L3MBTL1: variants seen among roughly 807,000 people sequenced by gnomAD.
L3MBTL1 encodes L3MBTL histone methyl-lysine binding protein 1, also known as lethal(3)malignant brain tumor-like protein 1.
L3MBTL1 carries 75 observed loss-of-function variants against 105.3 expected under a neutral mutation model. The ratio of observed to expected loss-of-function variants is 0.71; its 90% CI spans 0.59 to 0.86. The LOEUF is 0.86. Among genes scored for constraint, L3MBTL1 ranks in the 40% least tolerant of loss-of-function variants. The pLI, the probability that L3MBTL1 is intolerant of heterozygous loss-of-function variation, is 0.00. For missense variants in L3MBTL1, 1,069 were observed against 1,126.4 expected, an observed-to-expected ratio of 0.95 and a Z score of 0.73; for synonymous variants, 452 against 436.2, an observed-to-expected ratio of 1.04 and a Z score of -0.45.
intron 7 of L3MBTL1, among the ~76,000 whole-genome samples, chr20:43,524,358 A>G (rs1391688293): frequency 6.6e-6 from 1 of 152,174 alleles, no homozygotes; most frequent in Non-Finnish European, 1.5e-5. Context: ...TTATTTAACA[A>G]ATACTAAGTG....
At chr20:43,529,436 G>T in intron 9 of L3MBTL1, 68 bp downstream of exon 9, 2 of 1,109,232 alleles carry the variant, frequency 1.8e-6, no homozygotes, top group East Asian at 2.5e-5. Context: ...TCTTGCTGGG[G>T]ACATAGAAGG....
chr20:43,511,552 T>G (rs576555913), intron 1 of L3MBTL1, among the ~76,000 whole-genome samples: 1 of 152,030 alleles, frequency 6.6e-6, no homozygotes, highest in East Asian at 1.9e-4. Context: ...GAGGCCGAGG[T>G]GGGCGGATCA....
intron 15 of L3MBTL1, 45 bp from the exon 16 acceptor site, chr20:43,534,783 G>A (rs1315909456): frequency 2.1e-6 from 3 of 1,422,684 alleles, no homozygotes; most frequent in East Asian, 4.6e-5. Context: ...GGCTGAGCTG[G>A]GCTCCATGAG....
At chr20:43,545,458 C>T (rs1170957343), downstream of L3MBTL1, among the ~76,000 whole-genome samples, 2 of 152,060 alleles carry the variant, frequency 1.3e-5, no homozygotes, top group Non-Finnish European at 2.9e-5. Context: ...TGCTGGGGGT[C>T]AGCAAAGAGA....
chr20:43,529,459 C>T, intron 9 of L3MBTL1, 91 bp downstream of exon 9: 1 of 858,094 alleles, frequency 1.2e-6, no homozygotes. Context: ...ACACCTCCCT[C>T]CCCTCAGAGC....
Position 43,540,200 on chromosome 20 carries a change from G to A in L3MBTL1, c.2223G>A (p.Ser741=), listed in dbSNP as rs755426692. 1.8e-5 allele frequency: 29 copies of A among 1,613,490 alleles called. No individual in the cohort carries two copies. The highest frequency in any genetic ancestry group is 2.2e-5 in the Non-Finnish European group (26 of 1,180,036). Residue 741 remains serine, a synonymous_variant, in exon 20 of 22, where the codon TCG becomes TCA. Transcript: ENST00000418998. ...VHQSLFMSAL[S]AHPDRSLSVC... Reference sequence around the variant, plus strand: ...AGTCCCTCTTCATGTCAGCCCTGTCGGCCCACCCTGACCGCTCACTCTCAG... The same window carrying A: ...AGTCCCTCTTCATGTCAGCCCTGTCAGCCCACCCTGACCGCTCACTCTCAG...
downstream of L3MBTL1, among the ~76,000 whole-genome samples, chr20:43,545,657 G>A (rs1160398016): frequency 2.0e-5 from 3 of 152,238 alleles, no homozygotes; most frequent in African/African-American, 7.2e-5. Flanking sequence ...TCTTAGACCT[G>A]AGAAGCCGCT....
chr20:43,518,441 A>G (rs2018519716), intron 7 of L3MBTL1, among the ~76,000 whole-genome samples: 1 of 152,146 alleles, frequency 6.6e-6, no homozygotes, highest in Non-Finnish European at 1.5e-5. Context: ...CATGTGACTC[A>G]TGTGCCCATT....
chr20:43,513,526 A>C lies in L3MBTL1; in HGVS notation c.23A>C (p.Glu8Ala). MEGHAEM[E>A]MLRTLKGPST... The stretch of plus-strand genomic sequence containing the variant: ...GGGATGGAGGGGCATGCTGAAATGG[A>C]GATGCTGAGGACACTGAAGGGGCCT... Residue 8 changes from glutamate to alanine, a missense_variant, in exon 2 of 22, where the codon GAG becomes GCG. Glu to Ala is a moderately radical substitution (Grantham distance 107, BLOSUM62 -1). Transcript: ENST00000418998. The C allele has an allele frequency of 6.4e-7, 1 of 1,550,768 alleles. No individual in the cohort carries two copies. Among genetic ancestry groups the C allele is most frequent in the Non-Finnish European group, 8.7e-7 (1 of 1,147,008 alleles).
In L3MBTL1 at chr20:43,513,895, G is replaced by A. The variant is rs1044971953; in HGVS notation, c.194G>A (p.Arg65Gln). The A allele has an allele frequency of 2.0e-5, 31 of 1,550,446 alleles. No individual in the cohort carries two copies. In the Admixed American group the frequency reaches 3.9e-4, roughly 20 times the overall value. ...GCCCTGGATGTGTCTTGCTTTCCCC[G>A]GGAGCCAATCCATGTGGGTGCCCCG... ...SSALDVSCFP[R>Q]EPIHVGAPEQ... Residue 65 changes from arginine to glutamine, a missense_variant, in exon 3 of 22, where the codon CGG becomes CAG. Coordinates refer to ENST00000418998, the MANE Select transcript of L3MBTL1 (RefSeq NM_001377303.1).
At chr20:43,550,135 C>T (rs1600976114) in exon 19 of L3MBTL1, 1 of 151,944 alleles carries the variant, frequency 6.6e-6, no homozygotes, top group Non-Finnish European at 1.5e-5. Flanking sequence ...AAGTCTAAGC[C>T]TTGCTTTTAT....
In L3MBTL1 at chr20:43,534,576, C is replaced by T. The variant is rs368167124; in HGVS notation, c.1710+182C>T. On this transcript the variant is annotated intron_variant, in intron 15 of 21. Coordinates refer to ENST00000418998, the MANE Select transcript of L3MBTL1 (RefSeq NM_001377303.1). ...GGACAAGTCATTTTCCCTCTCTAAG[C>T]CTTACATCATCTGTAAAATGGGCCT... 10 of 620,762 alleles carry T rather than the reference C, an allele frequency of 1.6e-5. 1 individual carries two copies. The highest frequency in any genetic ancestry group is 5.8e-5 in the Admixed American group (2 of 34,624). 38.5% of individuals were successfully genotyped at this position (620,762 alleles called of 1,614,324 possible). A position where few individuals can be genotyped will look rare whatever the true frequency, so the allele number is the denominator to read the frequency against.
At chr20:43,534,187 G>C in intron 14 of L3MBTL1, 94 bp downstream of exon 14, 1 of 1,522,594 alleles carries the variant, frequency 6.6e-7, no homozygotes, top group Non-Finnish European at 9.0e-7. Flanking sequence ...CCTTTGGGCA[G>C]GCCCCAGTTT....
intron 1 of L3MBTL1, 50 bp from the exon 2 acceptor site, chr20:43,513,426 G>GTAACA: frequency 1.3e-6 from 2 of 1,498,074 alleles, no homozygotes; most frequent in Non-Finnish European, 1.8e-6. Flanking sequence ...CATTGCTGCT[G>GTAACA]TAACAAAGGT....
intron 3 of L3MBTL1, 105 bp from the exon 4 acceptor site, chr20:43,514,530 A>C (rs1245953738): frequency 1.3e-6 from 2 of 1,572,430 alleles, no homozygotes; most frequent in Non-Finnish European, 1.7e-6. Flanking sequence ...AGGCCTGCTG[A>C]GGGCGTGAGC....
chr20:43,513,653 G>C lies in L3MBTL1; in HGVS notation c.136+14G>C. 2 of 1,550,598 alleles carry C rather than the reference G, an allele frequency of 1.3e-6. No homozygotes were observed. The highest frequency in any genetic ancestry group is 2.4e-5 in the South Asian group (2 of 84,064). On this transcript the variant is annotated intron_variant, in intron 2 of 21. Coordinates refer to ENST00000418998, the MANE Select transcript of L3MBTL1 (RefSeq NM_001377303.1). ...TCATCATTCCAGGTGAGTCAAGCTA[G>C]GGTAGGAGTCTGGGAAGGAAGAGCA... is the stretch of plus-strand genomic sequence containing the variant.
At chr20:43,507,949 C>G (rs941419067) in intron 1 of L3MBTL1, among the ~76,000 whole-genome samples, 3 of 152,058 alleles carry the variant, frequency 2.0e-5, no homozygotes, top group Non-Finnish European at 2.9e-5. Flanking sequence ...GGGGGCCAGG[C>G]GGGTGCGGGA....
At chr20:43,533,192 T>A (rs939817262) in intron 12 of L3MBTL1, 150 bp from the exon 13 acceptor site, 15 of 714,170 alleles carry the variant, frequency 2.1e-5, no homozygotes, top group Non-Finnish European at 3.0e-5. Context: ...AGTTTGTAAT[T>A]CATGTTGCAA....
chr20:43,509,273 C>T (rs940021771), intron 1 of L3MBTL1, among the ~76,000 whole-genome samples: 1 of 151,752 alleles, frequency 6.6e-6, no homozygotes, highest in African/African-American at 2.4e-5. Flanking sequence ...CGCCCAGGCT[C>T]GAGTGTAGTG....
Sources: gnomAD v4.1 joint callset for allele counts (sites outside exome capture counted in the v4.1 genomes callset) on GRCh38, gnomAD v4.1.1 for gene constraint, MANE v1.5 for transcripts, NCBI Gene and HGNC (gene_info 2026-07-23, HGNC 2026-07-21) for gene names.